GNL3L: variants seen among roughly 807,000 people sequenced by gnomAD.
GNL3L encodes the protein guanine nucleotide-binding protein-like 3-like protein.
GNL3L carries 4 observed loss-of-function variants against 42.9 expected under a neutral mutation model. The ratio of observed to expected loss-of-function variants is 0.09; its 90% CI spans 0.05 to 0.21. The LOEUF (loss-of-function observed/expected upper bound fraction) is 0.21, where lower values mean the gene tolerates loss of function less well. Among genes scored for constraint, GNL3L ranks in the 10% least tolerant of loss-of-function variants. The pLI is 1.00. For synonymous variants in GNL3L, 159 were observed against 176.3 expected (o/e 0.90, Z 0.78); for missense variants, 412 against 481.7 (o/e 0.86, Z 1.36).
chrX:54,565,840 T>A lies in GNL3L; in HGVS notation c.*5238T>A, dbSNP rs1416940730. ...TACAGGGGTGTTTTTTTTTTTTTTT[T>A]TTTTTGAAACAGAGTCCTCACCCAG... On this transcript the variant is annotated 3_prime_UTR_variant, in exon 16 of 16. Coordinates refer to ENST00000360845, the MANE Select transcript of GNL3L (RefSeq NM_001184819.2). Among the ~76,000 whole-genome samples, 9 of 104,390 alleles carry A rather than the reference T, an allele frequency of 8.6e-5. No individual in the cohort carries two copies. The highest frequency in any genetic ancestry group is 7.3e-4 in the Admixed American group (7 of 9,650). 90.7% of individuals were successfully genotyped at this position (104,390 alleles called of 115,157 possible). A position where few individuals can be genotyped will look rare whatever the true frequency, so the allele number is the denominator to read the frequency against.
At chrX:54,570,955 C>G (rs1325049256), downstream of GNL3L, among the ~76,000 whole-genome samples, 1 of 111,532 alleles carries the variant, frequency 9.0e-6, no homozygotes, top group East Asian at 2.8e-4. Flanking sequence ...CTCCAGACTT[C>G]TATAAGGTAG....
intron 16 of GNL3L, among the ~76,000 whole-genome samples, chrX:54,607,062 TTCTTTCTTTC>T (rs1569542610): frequency 2.9e-4 from 12 of 40,851 alleles, no homozygotes; most frequent in African/African-American, 1.3e-3. Context: ...CTTTCTTTCT[TTCTTTCTTTC>T]TCTTTCTTTC....
intron 16 of GNL3L, among the ~76,000 whole-genome samples, chrX:54,578,203 G>A (rs1006518522): frequency 2.1e-4 from 24 of 111,924 alleles, no homozygotes; most frequent in African/African-American, 7.8e-4. Flanking sequence ...ATTTTTGTGT[G>A]TGTGTATTCA....
the GNL3L span, among the ~76,000 whole-genome samples, chrX:54,641,457 A>G: frequency 9.0e-6 from 1 of 111,699 alleles, no homozygotes; most frequent in African/African-American, 3.3e-5. Flanking sequence ...GTGAATAATT[A>G]TGACTATTTG....
downstream of GNL3L, among the ~76,000 whole-genome samples, chrX:54,621,663 G>A (rs978413572): frequency 3.6e-5 from 4 of 111,277 alleles, no homozygotes; most frequent in African/African-American, 1.3e-4. Flanking sequence ...AAAATGAGCC[G>A]GGCATGATGG....
chrX:54,583,435 C>T (rs769106566), intron 16 of GNL3L, among the ~76,000 whole-genome samples: 1 of 110,546 alleles, frequency 9.0e-6, no homozygotes, highest in Admixed American at 9.7e-5. Context: ...CTCAGGTGAT[C>T]CACCTGCCTC....
chrX:54,558,897 T>A (rs1172300079), intron 15 of GNL3L, among the ~76,000 whole-genome samples: 1 of 111,917 alleles, frequency 8.9e-6, no homozygotes, highest in Non-Finnish European at 1.9e-5. Flanking sequence ...CCTCAGGTGA[T>A]CCACTTGCCT....
chrX:54,599,184 G>A (rs996902823), intron 16 of GNL3L, among the ~76,000 whole-genome samples: 8 of 111,332 alleles, frequency 7.2e-5, no homozygotes, highest in African/African-American at 2.0e-4. Flanking sequence ...AAATAATGCC[G>A]GCAAGAAGAG....
the GNL3L span, among the ~76,000 whole-genome samples, chrX:54,632,676 T>G: frequency 1.1e-4 from 12 of 111,967 alleles, no homozygotes; most frequent in South Asian, 4.1e-3. Flanking sequence ...TCCTGTATTA[T>G]GTTTTTAATT....
chrX:54,627,678 A>G, the GNL3L span, among the ~76,000 whole-genome samples: 1 of 111,562 alleles, frequency 9.0e-6, no homozygotes, highest in African/African-American at 3.2e-5. Flanking sequence ...GTTTTGCTCT[A>G]TCCCATAAGT....
At chrX:54,644,826 G>T in the GNL3L span, among the ~76,000 whole-genome samples, 1 of 111,522 alleles carries the variant, frequency 9.0e-6, no homozygotes, top group South Asian at 3.7e-4. Context: ...TTTTGACCGG[G>T]ATTATATTGA....
the GNL3L span, among the ~76,000 whole-genome samples, chrX:54,628,662 T>A: frequency 1.8e-5 from 2 of 110,265 alleles, no homozygotes; most frequent in African/African-American, 3.3e-5. Flanking sequence ...ATATCTTCTT[T>A]TGAGAATTGT....
chrX:54,606,651 T>TC lies in GNL3L; in HGVS notation c.*46-14194_*46-14193insC, dbSNP rs777310300. ...CCACTATGCCAGGCCAATTTTTTTT[T>TC]TTTTTTTGAGGCAGGGTCTCAGTCT... On this transcript the variant is annotated intron_variant, in intron 16 of 16. Coordinates refer to the GNL3L transcript ENST00000674498. Among the ~76,000 whole-genome samples, 495 of 107,384 alleles carry TC rather than the reference T, an allele frequency of 4.6e-3. 2 individuals carry two copies. Among genetic ancestry groups the TC allele is most frequent in the African/African-American group, 0.015 (448 of 29,377 alleles). The allele number at this position is 107,384 out of a possible 115,157, so 93.3% of individuals were successfully genotyped here. A position where few individuals can be genotyped will look rare whatever the true frequency, so the allele number is the denominator to read the frequency against.
chrX:54,571,672 A>G (rs1925545777), downstream of GNL3L, among the ~76,000 whole-genome samples: 1 of 109,902 alleles, frequency 9.1e-6, no homozygotes, highest in Admixed American at 9.8e-5. Context: ...TTTCTTCTAT[A>G]GATAATGTGT....
chrX:54,636,301 A>G, the GNL3L span, among the ~76,000 whole-genome samples: 1 of 112,283 alleles, frequency 8.9e-6, no homozygotes, highest in Non-Finnish European at 1.9e-5. Context: ...TGCACTGGAG[A>G]GGAGGTGGGG....
At chrX:54,640,426 C>A in the GNL3L span, among the ~76,000 whole-genome samples, 2 of 112,214 alleles carry the variant, frequency 1.8e-5, no homozygotes, top group South Asian at 7.4e-4. Context: ...ACACACAACC[C>A]TGCATCCTTA....
intron 8 of GNL3L, among the ~76,000 whole-genome samples, chrX:54,546,007 C>G (rs969696462): frequency 1.8e-4 from 20 of 111,968 alleles, no homozygotes; most frequent in African/African-American, 6.5e-4. Flanking sequence ...TGCCACCATG[C>G]CAGGCTAATT....
intron 16 of GNL3L, among the ~76,000 whole-genome samples, chrX:54,584,956 A>G (rs1037653479): frequency 9.0e-6 from 1 of 111,270 alleles, no homozygotes; most frequent in African/African-American, 3.3e-5. Flanking sequence ...CAGCTAGTTT[A>G]TGTATTTTTA....
chrX:54,554,556 G>T lies in GNL3L; in HGVS notation c.1319-9G>T. The T allele has an allele frequency of 8.3e-7, 1 of 1,208,530 alleles. No homozygotes were observed. Among genetic ancestry groups the T allele is most frequent in the Admixed American group, 2.2e-5 (1 of 45,944 alleles). On this transcript the variant is annotated splice_polypyrimidine_tract_variant and intron_variant, in intron 13 of 15. Coordinates refer to ENST00000360845, the MANE Select transcript of GNL3L (RefSeq NM_001184819.2). ...CAGGGCCCTGACAGTGGTGTTGGTT[G>T]TGTTAAAGGCTTGGCCACCGGAGAA...
Sources: gnomAD v4.1 joint callset for allele counts (sites outside exome capture counted in the v4.1 genomes callset) on GRCh38, gnomAD v4.1.1 for gene constraint, MANE v1.5 for transcripts, NCBI Gene and HGNC (gene_info 2026-07-23, HGNC 2026-07-21) for gene names.